Variants in AP4S1 observed in about 807,000 individuals in gnomAD.
The protein encoded by AP4S1 is adaptor related protein complex 4 subunit sigma 1.
In AP4S1, 23 loss-of-function variants were observed where a neutral mutation model predicts 19.8. The observed-to-expected ratio is 1.16, with a 90% CI of 0.84 to 1.65. AP4S1 has a LOEUF of 1.65. AP4S1 is among the 40% of genes most tolerant of loss of function. The pLI is 0.00. For synonymous variants in AP4S1, 46 were observed against 54.1 expected (o/e 0.85, Z 0.66); for missense variants, 166 against 172.8 (o/e 0.96, Z 0.22).
rs1566550774 is a variant in AP4S1, at chr14:31,092,933, C to T, written c.333C>T (p.His111=). ...LDIMFNLDKV[H]IILDEMVLNG... is the part of the protein sequence containing the mutation. ...TAATGTTTAATTTGGATAAAGTACA[C>T]ATCATTTTGGATGAGATGGTGTTAA... is the stretch of plus-strand genomic sequence containing the variant. Residue 111 remains histidine (H), a synonymous_variant, in exon 6 of 6, where the codon CAC becomes CAT. Transcript: ENST00000542754. The T allele has an allele frequency of 2.6e-6, 4 of 1,543,036 alleles. No homozygotes were observed. The highest frequency in any genetic ancestry group is 2.0e-4 in the Middle Eastern group (1 of 5,128).
At chr14:31,084,795 A>G in intron 5 of AP4S1, 2 of 1,614,202 alleles carry the variant, frequency 1.2e-6, no homozygotes, top group East Asian at 2.2e-5. Flanking sequence ...TTCCCAAAAT[A>G]TGCTCAGCCC....
intron 1 of AP4S1, among the ~76,000 whole-genome samples, chr14:31,030,497 C>G (rs1354357915): frequency 6.6e-6 from 1 of 152,158 alleles, no homozygotes; most frequent in African/African-American, 2.4e-5. Flanking sequence ...TACACAACAT[C>G]ACTCCAGGCT....
chr14:31,037,750 A>G (rs1884864353), intron 1 of AP4S1, among the ~76,000 whole-genome samples: 1 of 152,138 alleles, frequency 6.6e-6, no homozygotes. Context: ...AGGAGCTCAG[A>G]CCAGCCTGGG....
chr14:31,067,438 A>C (rs1594682802), intron 2 of AP4S1, among the ~76,000 whole-genome samples: 2 of 90,474 alleles, frequency 2.2e-5, no homozygotes, highest in South Asian at 4.7e-4. Flanking sequence ...CCACCCTACC[A>C]CAGGCCCCGG....
chr14:31,061,242 C>T lies in AP4S1; in HGVS notation c.-71-4884C>T, dbSNP rs550363194. Among the ~76,000 whole-genome samples, 330 of 152,236 alleles carry T rather than the reference C, an allele frequency of 2.2e-3. 1 individual carries two copies. The highest frequency in any genetic ancestry group is 4.6e-3 in the Admixed American group (71 of 15,278). ...CCATGTTGGCCAGGCTGGTCTCAAA[C>T]CCCTGACCTCAGGTGATCTGCCCAC... On this transcript the variant is annotated intron_variant, in intron 1 of 5. Coordinates refer to ENST00000542754, the MANE Select transcript of AP4S1 (RefSeq NM_001128126.3).
chr14:31,032,389 G>C (rs962143828), intron 1 of AP4S1, among the ~76,000 whole-genome samples: 1 of 152,044 alleles, frequency 6.6e-6, no homozygotes, highest in Non-Finnish European at 1.5e-5. Context: ...GGAATTCCAG[G>C]CTTTTAAATA....
At chr14:31,033,613 ATGTTTAATG>A (rs2139417525) in intron 1 of AP4S1, among the ~76,000 whole-genome samples, 1 of 152,336 alleles carries the variant, frequency 6.6e-6, no homozygotes, top group South Asian at 2.1e-4. Context: ...AAGGAGCAAA[ATGTTTAATG>A]CATGTGTAAC....
intron 5 of AP4S1, chr14:31,084,671 T>C: frequency 5.1e-6 from 8 of 1,576,280 alleles, no homozygotes; most frequent in South Asian, 1.1e-5. Flanking sequence ...GCCTGAAGAT[T>C]TGTGAAGCCT....
chr14:31,025,990 G>C, intron 1 of AP4S1: 1 of 1,568,284 alleles, frequency 6.4e-7, no homozygotes, highest in Non-Finnish European at 8.6e-7. Context: ...AGTATCCCCG[G>C]GATAGTGTAC....
chr14:31,082,474 T>C (rs1009996862), intron 5 of AP4S1, among the ~76,000 whole-genome samples: 18 of 152,208 alleles, frequency 1.2e-4, no homozygotes, highest in African/African-American at 4.1e-4. Flanking sequence ...ATCAGGAAGA[T>C]AGCAAGGGCT....
At chr14:31,056,444 C>T (rs547206227) in intron 1 of AP4S1, among the ~76,000 whole-genome samples, 13 of 151,762 alleles carry the variant, frequency 8.6e-5, no homozygotes, top group Admixed American at 7.9e-4. Context: ...CTGCAACCTC[C>T]GCCTCCTGGG....
At chr14:31,047,811 G>T (rs879643484) in intron 1 of AP4S1, among the ~76,000 whole-genome samples, 20 of 151,978 alleles carry the variant, frequency 1.3e-4, no homozygotes, top group Non-Finnish European at 2.6e-4. Flanking sequence ...CAAGCCTCCC[G>T]AGTAGTTGGG....
At chr14:31,049,428 A>AAAAAAATATATATATAT (rs1384450221) in intron 1 of AP4S1, among the ~76,000 whole-genome samples, 1 of 57,744 alleles carries the variant, frequency 1.7e-5, no homozygotes, top group Non-Finnish European at 2.9e-5. Flanking sequence ...AAAAAAAAAA[A>AAAAAAATATATATATAT]ATATATATAT....
At chr14:31,060,249 C>T (rs1594671419) in intron 1 of AP4S1, among the ~76,000 whole-genome samples, 3 of 151,876 alleles carry the variant, frequency 2.0e-5, no homozygotes, top group African/African-American at 7.3e-5. Flanking sequence ...GCATGCAAAA[C>T]CCCAGTTATA....
Position 31,055,380 on chromosome 14 carries a change from T to A in AP4S1, c.-71-10746T>A, listed in dbSNP as rs1035312184. Among the ~76,000 whole-genome samples, 5 of 152,278 alleles carry A rather than the reference T, an allele frequency of 3.3e-5. No homozygotes were observed. The East Asian group carries it at 9.6e-4, about 29-fold the overall frequency. ...ATGTTATCATGATGACACTGGCTAA[T>A]CCTTATGTAGCACTCGCTGTGTGCC... On this transcript the variant is annotated intron_variant, in intron 1 of 5. Transcript: ENST00000542754.
At chr14:31,045,558 C>T (rs949664701) in intron 1 of AP4S1, among the ~76,000 whole-genome samples, 2 of 152,086 alleles carry the variant, frequency 1.3e-5, no homozygotes, top group Non-Finnish European at 1.5e-5. Context: ...TGTAAGTTTG[C>T]GAGGCCTCCC....
chr14:31,025,731 G>C lies in AP4S1; in HGVS notation c.-128G>C, dbSNP rs1320497845. ...GGGGAGCAAGCTTATGCGGGAAAGA[G>C]GGAGGGGGACTCCAGGAAAAGCCGT... On this transcript the variant is annotated 5_prime_UTR_variant, in exon 1 of 6. Coordinates refer to ENST00000542754, the MANE Select transcript of AP4S1 (RefSeq NM_001128126.3). The C allele has an allele frequency of 4.5e-6, 4 of 886,162 alleles. No homozygotes were observed. The highest frequency in any genetic ancestry group is 1.7e-5 in the African/African-American group (1 of 57,574). The allele number at this position is 886,162 out of a possible 1,614,324, so 54.9% of individuals were successfully genotyped here.
rs1160657883 is a variant in AP4S1, at chr14:31,026,036, A to C, written c.-72+249A>C. 6.5e-6 allele frequency: 10 copies of C among 1,531,592 alleles called. No homozygotes were observed. In the African/African-American group the frequency reaches 9.9e-5, roughly 15 times the overall value. The allele number at this position is 1,531,592 out of a possible 1,614,324, so 94.9% of individuals were successfully genotyped here. The stretch of plus-strand genomic sequence containing the variant: ...GGGACAGCTCGGGGCCTGCCGCGGG[A>C]CCCGCTCCCTCGGAGGCCGGAGGAC... On this transcript the variant is annotated intron_variant, in intron 1 of 5. Transcript: ENST00000542754.
intron 1 of AP4S1, among the ~76,000 whole-genome samples, chr14:31,042,804 A>G (rs1885181257): frequency 6.6e-6 from 1 of 152,226 alleles, no homozygotes; most frequent in East Asian, 1.9e-4. Flanking sequence ...AGTTGCAAAG[A>G]ACTACACTTA....
Sources: allele counts gnomAD v4.1 joint callset (sites outside exome capture counted in the v4.1 genomes callset), GRCh38; gene constraint gnomAD v4.1.1; transcripts MANE v1.5; gene names NCBI Gene and HGNC (gene_info 2026-07-23, HGNC 2026-07-21).